AGMO: variants seen among roughly 807,000 people sequenced by gnomAD.
AGMO encodes the protein alkylglycerol monooxygenase.
A neutral mutation model predicts 60.2 loss-of-function variants in AGMO; 75 were observed. The ratio of observed to expected loss-of-function variants is 1.25; its 90% CI spans 1.03 to 1.51. The LOEUF (loss-of-function observed/expected upper bound fraction) is 1.51, where lower values mean the gene tolerates loss of function less well. Among genes scored for constraint, AGMO ranks in the 40% most tolerant of loss-of-function variants. AGMO has a pLI of 0.00. For missense variants in AGMO, 763 were observed against 525.5 expected, an observed-to-expected ratio of 1.45 and a Z score of -4.42; for synonymous variants, 261 against 177.1, an observed-to-expected ratio of 1.47 and a Z score of -3.76.
intron 12 of AGMO, among the ~76,000 whole-genome samples, chr7:15,247,459 C>CACACACAGAGAGAGAGAG (rs139642069): frequency 2.6e-5 from 3 of 115,280 alleles, no homozygotes; most frequent in African/African-American, 1.1e-4. Flanking sequence ...CACACACACA[C>CACACACAGAGAGAGAGAG]AGAGAGAGAG....
At chr7:15,531,038 CTATATATAT>C (rs1784308947) in intron 3 of AGMO, among the ~76,000 whole-genome samples, 1 of 77,294 alleles carries the variant, frequency 1.3e-5, no homozygotes, top group Non-Finnish European at 2.3e-5. Context: ...CATATATATT[CTATATATAT>C]TCTATATATA....
chr7:15,316,442 A>G lies in AGMO; in HGVS notation c.1263+49072T>C, dbSNP rs145715489. Among the ~76,000 whole-genome samples, 302 of 152,248 alleles carry G rather than the reference A, an allele frequency of 2.0e-3. 2 individuals are homozygous for G. The highest frequency in any genetic ancestry group is 6.7e-3 in the African/African-American group (279 of 41,546). ...GCCACTGACTCAGAACAAAGTACTC[A>G]TTGAGTCTGAAACAAAGATCTACTC... On this transcript the variant is annotated intron_variant, in intron 12 of 12. Coordinates refer to ENST00000342526, the MANE Select transcript of AGMO (RefSeq NM_001004320.2).
At chr7:15,391,264 A>G (rs1784124508) in intron 6 of AGMO, among the ~76,000 whole-genome samples, 1 of 152,106 alleles carries the variant, frequency 6.6e-6, no homozygotes, top group South Asian at 2.1e-4. Flanking sequence ...AAATCAGAAA[A>G]CGATGTATAT....
the AGMO span, among the ~76,000 whole-genome samples, chr7:15,143,127 A>C: frequency 2.0e-5 from 3 of 152,302 alleles, no homozygotes; most frequent in African/African-American, 7.2e-5. Context: ...CTAAATTGCC[A>C]ATCTCAATTA....
At chr7:15,186,737 G>C in the AGMO span, among the ~76,000 whole-genome samples, 10 of 152,174 alleles carry the variant, frequency 6.6e-5, no homozygotes, top group Admixed American at 4.6e-4. Flanking sequence ...TCAGTTGGAT[G>C]TTTGGGCCTA....
chr7:15,467,202 T>C (rs1291271377), intron 3 of AGMO, among the ~76,000 whole-genome samples: 1 of 152,196 alleles, frequency 6.6e-6, no homozygotes, highest in Non-Finnish European at 1.5e-5. Flanking sequence ...TACTCTTCCA[T>C]GCCTAATAGA....
At position 15,312,347 on chromosome 7, in the gene AGMO, G is replaced by A. The variant is rs1176455708; in HGVS notation, c.1263+53167C>T. ...AATATTAAAACAACAAAACACTAAA[G>A]ACAAAAAGGAAATGTTTTAAGTTGC... On this transcript the variant is annotated intron_variant, in intron 12 of 12. Transcript: ENST00000342526. 1.8e-4 allele frequency among the ~76,000 whole-genome samples: 27 copies of A among 151,948 alleles called. 1 individual carries two copies. The highest frequency in any genetic ancestry group is 1.8e-3 in the Admixed American group (27 of 15,246).
At chr7:15,424,211 C>A (rs1300667217) in intron 4 of AGMO, among the ~76,000 whole-genome samples, 1 of 152,162 alleles carries the variant, frequency 6.6e-6, no homozygotes, top group Non-Finnish European at 1.5e-5. Context: ...TGTTCAGTTA[C>A]ATGACTCCCT....
At chr7:15,119,618 C>A in the AGMO span, among the ~76,000 whole-genome samples, 2 of 152,126 alleles carry the variant, frequency 1.3e-5, no homozygotes, top group African/African-American at 4.8e-5. Context: ...TTCATTCTTG[C>A]AGCTGAGTGT....
intron 3 of AGMO, among the ~76,000 whole-genome samples, chr7:15,516,494 T>C (rs1177084842): frequency 6.6e-6 from 1 of 152,116 alleles, no homozygotes; most frequent in Non-Finnish European, 1.5e-5. Flanking sequence ...TGTTAAATGG[T>C]TTAAAAAGAT....
chr7:15,367,949 G>T (rs1444051456), intron 10 of AGMO, among the ~76,000 whole-genome samples: 1 of 152,066 alleles, frequency 6.6e-6, no homozygotes, highest in Non-Finnish European at 1.5e-5. Context: ...AAAGCCACCA[G>T]TCACAATTTT....
intron 3 of AGMO, among the ~76,000 whole-genome samples, chr7:15,517,150 A>T (rs922850809): frequency 6.6e-6 from 1 of 152,118 alleles, no homozygotes; most frequent in African/African-American, 2.4e-5. Context: ...TGCATCTAAT[A>T]TCATAGTCCC....
At chr7:15,383,649 G>T (rs909165768) in intron 10 of AGMO, among the ~76,000 whole-genome samples, 3 of 151,762 alleles carry the variant, frequency 2.0e-5, no homozygotes, top group East Asian at 3.9e-4. Flanking sequence ...TCATTTTTCA[G>T]CATATATTAT....
chr7:15,257,845 G>C (rs970883380), intron 12 of AGMO, among the ~76,000 whole-genome samples: 1 of 152,188 alleles, frequency 6.6e-6, no homozygotes, highest in African/African-American at 2.4e-5. Context: ...GTTGTGGGCA[G>C]TGGAGATTAC....
chr7:15,489,702 G>A lies in AGMO; in HGVS notation c.409+55070C>T, dbSNP rs141669991. On this transcript the variant is annotated intron_variant, in intron 3 of 12. Transcript: ENST00000342526. ...CAAAGTCCCCAGTTGAAATGAGTGC[G>A]TTCATCAATTCTACCAGGCACAGTA... Among the ~76,000 whole-genome samples, 387 of 152,226 alleles carry A rather than the reference G, an allele frequency of 2.5e-3. 1 individual carries two copies. Among genetic ancestry groups the A allele is most frequent in the African/African-American group, 8.9e-3 (368 of 41,534 alleles).
At chr7:15,314,533 G>C (rs936869767) in intron 12 of AGMO, among the ~76,000 whole-genome samples, 1 of 152,032 alleles carries the variant, frequency 6.6e-6, no homozygotes, top group African/African-American at 2.4e-5. Context: ...AGTTTAACTG[G>C]ATTTTCCTGA....
intron 5 of AGMO, among the ~76,000 whole-genome samples, chr7:15,406,337 CAT>C (rs1327800793): frequency 4.6e-3 from 632 of 138,820 alleles, no homozygotes; most frequent in Middle Eastern, 0.025. Flanking sequence ...ATGGAATATA[CAT>C]ATATATGTGT....
At chr7:15,313,602 CAG>C (rs1366816878) in intron 12 of AGMO, among the ~76,000 whole-genome samples, 3 of 152,008 alleles carry the variant, frequency 2.0e-5, no homozygotes, top group Non-Finnish European at 2.9e-5. Flanking sequence ...TGAACTCAAA[CAG>C]AAAGGAGAGA....
chr7:15,297,146 CA>C (rs1482614133), intron 12 of AGMO, among the ~76,000 whole-genome samples: 1 of 151,988 alleles, frequency 6.6e-6, no homozygotes, highest in Non-Finnish European at 1.5e-5. Flanking sequence ...AAGAGAATTC[CA>C]ATTAACCTAT....
Sources: allele counts gnomAD v4.1 joint callset (sites outside exome capture counted in the v4.1 genomes callset), GRCh38; gene constraint gnomAD v4.1.1; transcripts MANE v1.5; gene names NCBI Gene and HGNC (gene_info 2026-07-23, HGNC 2026-07-21).